The following NUDT2 variants were observed in gnomAD, a reference collection of about 807,000 sequenced individuals.
The protein encoded by NUDT2 is bis(5'-nucleosyl)-tetraphosphatase [asymmetrical].
A neutral mutation model predicts 14.2 loss-of-function variants in NUDT2; 12 were observed. That is an observed-to-expected ratio of 0.84 (90% confidence interval 0.54 to 1.37). The LOEUF (loss-of-function observed/expected upper bound fraction) is 1.37. NUDT2 is among the 40% of genes most tolerant of loss of function. The pLI, the probability that NUDT2 is intolerant of heterozygous loss-of-function variation, is 0.00. For synonymous variants in NUDT2, 67 were observed against 67.4 expected (o/e 0.99, Z 0.03); for missense variants, 167 against 176.7 (o/e 0.95, Z 0.31).
intron 2 of NUDT2, among the ~76,000 whole-genome samples, chr9:34,338,255 G>A (rs1838144465): frequency 1.4e-5 from 2 of 143,552 alleles, no homozygotes; most frequent in African/African-American, 5.2e-5. Flanking sequence ...CACATTGGGA[G>A]GCTGAGGTAG....
chr9:34,342,169 T>G (rs1406794545), intron 4 of NUDT2, among the ~76,000 whole-genome samples: 1 of 152,224 alleles, frequency 6.6e-6, no homozygotes, highest in Non-Finnish European at 1.5e-5. Context: ...CAGCTGGCCC[T>G]TAGTCTAAGT....
chr9:34,340,125 G>C (rs7465894), intron 4 of NUDT2, among the ~76,000 whole-genome samples: 1 of 151,906 alleles, frequency 6.6e-6, no homozygotes, highest in African/African-American at 2.4e-5. Context: ...TAGTAGAGAC[G>C]GGGTTTCACC....
At chr9:34,331,223 A>G (rs538253203) in intron 1 of NUDT2, among the ~76,000 whole-genome samples, 134 of 152,352 alleles carry the variant, frequency 8.8e-4, no homozygotes, top group African/African-American at 3.0e-3. Context: ...GAGCAGTTTA[A>G]CAGACAAGAT....
At chr9:34,335,563 G>C (rs191693135) in intron 1 of NUDT2, among the ~76,000 whole-genome samples, 2 of 152,360 alleles carry the variant, frequency 1.3e-5, no homozygotes, top group East Asian at 3.9e-4. Flanking sequence ...CTGACGAGTA[G>C]GAGGTTGTGT....
At chr9:34,340,461 C>A (rs1838203263) in intron 4 of NUDT2, among the ~76,000 whole-genome samples, 1 of 152,152 alleles carries the variant, frequency 6.6e-6, no homozygotes, top group South Asian at 2.1e-4. Context: ...CTTGAGATTG[C>A]AGCTTGACCA....
intron 1 of NUDT2, among the ~76,000 whole-genome samples, chr9:34,334,927 ACTGTGAAGGACAGAGCAGGGTCTGTACG>A (rs1838050196): frequency 6.6e-6 from 1 of 152,290 alleles, no homozygotes; most frequent in East Asian, 1.9e-4. Context: ...CAGCCAGTAC[ACTGTGAAGGACAGAGCAGGGTCTGTACG>A]CTGTGAAGGA....
At chr9:34,332,657 T>C (rs1226591089) in intron 1 of NUDT2, among the ~76,000 whole-genome samples, 1 of 152,208 alleles carries the variant, frequency 6.6e-6, no homozygotes, top group African/African-American at 2.4e-5. Flanking sequence ...CCAATATTTA[T>C]GCCATTACAG....
intron 4 of NUDT2, among the ~76,000 whole-genome samples, chr9:34,339,966 G>A (rs1246021470): frequency 1.3e-5 from 2 of 149,884 alleles, no homozygotes; most frequent in African/African-American, 4.9e-5. Flanking sequence ...ACAAAGTCTC[G>A]CTTTGTCGCC....
chr9:34,343,496 G>A lies in NUDT2; in HGVS notation c.*56G>A. On this transcript the variant is annotated 3_prime_UTR_variant, in exon 5 of 5. Coordinates refer to ENST00000379158, the MANE Select transcript of NUDT2 (RefSeq NM_001161.5). ...AGGATCCTTGTGGGCCTTCTAAGAT[G>A]AAGCCACCCTCAGGTCCAGGGAAGG... 1 of 1,438,444 alleles carries A rather than the reference G, an allele frequency of 7.0e-7. No individual in the cohort carries two copies. The highest frequency in any genetic ancestry group is 9.3e-7 in the Non-Finnish European group (1 of 1,073,742). 89.1% of individuals were successfully genotyped at this position (1,438,444 alleles called of 1,614,324 possible).
intron 1 of NUDT2, among the ~76,000 whole-genome samples, chr9:34,331,241 C>A (rs1016799464): frequency 3.9e-5 from 6 of 152,124 alleles, no homozygotes; most frequent in African/African-American, 1.4e-4. Flanking sequence ...GATGAAAAGT[C>A]ATTTCTTTAA....
At chr9:34,343,040 A>G in intron 4 of NUDT2, 84 bp from the exon 5 acceptor site, 1 of 1,370,344 alleles carries the variant, frequency 7.3e-7, no homozygotes, top group Middle Eastern at 1.9e-4. Context: ...AAACAGAAAA[A>G]AAAAAAAATC....
intron 1 of NUDT2, among the ~76,000 whole-genome samples, chr9:34,331,644 GTGGTCT>G (rs1837940932): frequency 6.6e-6 from 1 of 152,138 alleles, no homozygotes; most frequent in South Asian, 2.1e-4. Flanking sequence ...AATTTTCACC[GTGGTCT>G]TGGTAGAGAA....
chr9:34,337,078 C>T (rs944857276), intron 2 of NUDT2, among the ~76,000 whole-genome samples: 17 of 149,078 alleles, frequency 1.1e-4, no homozygotes, highest in Non-Finnish European at 4.4e-5. Context: ...CGGCTCACCA[C>T]AACCTCCACC....
At chr9:34,332,852 C>T (rs1837983640) in intron 1 of NUDT2, among the ~76,000 whole-genome samples, 1 of 152,132 alleles carries the variant, frequency 6.6e-6, no homozygotes, top group Non-Finnish European at 1.5e-5. Flanking sequence ...TTTTTCTTCT[C>T]TTCCATTTGT....
chr9:34,335,401 A>G (rs1838066203), intron 1 of NUDT2, among the ~76,000 whole-genome samples: 1 of 152,190 alleles, frequency 6.6e-6, no homozygotes, highest in East Asian at 1.9e-4. Context: ...CACAGTGTCT[A>G]CTCCTTATAA....
intron 1 of NUDT2, among the ~76,000 whole-genome samples, chr9:34,329,860 T>C (rs1430250343): frequency 6.7e-6 from 1 of 148,172 alleles, no homozygotes; most frequent in Non-Finnish European, 1.5e-5. Context: ...ATAGGGTGGG[T>C]CGTCCAAATC....
rs191476698 is a variant in NUDT2 at position 34,332,789 on chromosome 9, C to A, written c.-265+3190C>A. Among the ~76,000 whole-genome samples, 219 of 152,272 alleles carry A rather than the reference C, an allele frequency of 1.4e-3. 5 individuals carry two copies. Among genetic ancestry groups the A allele is most frequent in the Admixed American group, 0.012 (188 of 15,298 alleles). ...AAAGGTGCATTTGAGGGAATATTTT[C>A]TTTGTCTCAATTTATTCATGGTAGT... On this transcript the variant is annotated intron_variant, in intron 1 of 4. Transcript: ENST00000379158.
intron 2 of NUDT2, among the ~76,000 whole-genome samples, chr9:34,337,740 T>C (rs550453284): frequency 8.7e-4 from 133 of 152,314 alleles, no homozygotes; most frequent in African/African-American, 3.0e-3. Context: ...CTGCTCCAGC[T>C]GCCCTCTCTG....
Position 34,339,114 on chromosome 9 carries a change from GT to G in NUDT2, c.80del (p.Leu27TyrfsTer30), listed in dbSNP as rs1838172226. On this transcript the variant is annotated frameshift_variant, in exon 4 of 5. Coordinates refer to ENST00000379158, the MANE Select transcript of NUDT2 (RefSeq NM_001161.5). LOFTEE classifies it high-confidence loss of function. Reference sequence around the variant, plus strand: ...CCAAAGTGGACAACAATGCAATTGAGTTTTTACTGCTGCAGGCATCAGATGG... The same window carrying G: ...CCAAAGTGGACAACAATGCAATTGAGTTTTACTGCTGCAGGCATCAGATGG... ...IPKVDNNAIE[F>X]LLLQASDGIH... The G allele has an allele frequency of 6.2e-7, 1 of 1,614,050 alleles. No homozygotes were observed. Among genetic ancestry groups the G allele is most frequent in the Non-Finnish European group, 8.5e-7 (1 of 1,180,010 alleles).
Sources: gnomAD v4.1 joint callset for allele counts (sites outside exome capture counted in the v4.1 genomes callset) on GRCh38, gnomAD v4.1.1 for gene constraint, MANE v1.5 for transcripts, NCBI Gene and HGNC (gene_info 2026-07-23, HGNC 2026-07-21) for gene names.